The following KCNT2 variants were observed in gnomAD, a reference collection of about 807,000 sequenced individuals.
KCNT2 encodes potassium sodium-activated channel subfamily T member 2, also known as potassium channel subfamily T member 2.
A neutral mutation model predicts 153.8 loss-of-function variants in KCNT2; 67 were observed. That is an observed-to-expected ratio of 0.44 (90% CI 0.36 to 0.53). KCNT2 has a LOEUF of 0.53. KCNT2 is among the 20% of genes least tolerant of loss of function. The pLI, the probability that KCNT2 is intolerant of heterozygous loss-of-function variation, is 0.00. For synonymous variants in KCNT2, 500 were observed against 458.8 expected (o/e 1.09, Z -1.15); for missense variants, 975 against 1,354.8 (o/e 0.72, Z 4.40).
At chr1:196,476,436 A>G (rs970617352) in intron 5 of KCNT2, among the ~76,000 whole-genome samples, 1 of 152,094 alleles carries the variant, frequency 6.6e-6, no homozygotes, top group Non-Finnish European at 1.5e-5. Context: ...CAATCAGGAC[A>G]TATTTATAGT....
intron 8 of KCNT2, among the ~76,000 whole-genome samples, chr1:196,437,231 T>G (rs1674779989): frequency 8.6e-6 from 1 of 116,166 alleles, no homozygotes; most frequent in South Asian, 2.8e-4. Context: ...TAAGAAAGCT[T>G]ATATATATAT....
intron 5 of KCNT2, among the ~76,000 whole-genome samples, chr1:196,475,827 A>G (rs1401073112): frequency 6.6e-6 from 1 of 152,148 alleles, no homozygotes; most frequent in Non-Finnish European, 1.5e-5. Flanking sequence ...TTCTACTGTC[A>G]CATAACTCCT....
intron 12 of KCNT2, among the ~76,000 whole-genome samples, chr1:196,415,880 T>G (rs2148498206): frequency 6.6e-6 from 1 of 152,006 alleles, no homozygotes; most frequent in South Asian, 2.1e-4. Flanking sequence ...CCCTGCTAGG[T>G]TTTTAAGAAT....
chr1:196,522,993 T>C (rs1056876997), intron 1 of KCNT2, among the ~76,000 whole-genome samples: 2 of 152,232 alleles, frequency 1.3e-5, no homozygotes, highest in Non-Finnish European at 2.9e-5. Context: ...TCCCCTTCCA[T>C]GCTGTGAAAG....
rs541590400 is a variant in KCNT2, at chr1:196,566,617, T to C, written c.95+41598A>G. On this transcript the variant is annotated intron_variant, in intron 1 of 27. Transcript: ENST00000294725. ...AGAGAATGGACAAAAAGGAAAATTT[T>C]ATGAAAACTAAATGGAAGTTTACCC... is the stretch of plus-strand genomic sequence containing the variant. 4.2e-4 allele frequency among the ~76,000 whole-genome samples: 64 copies of C among 152,218 alleles called. 1 individual carries two copies. The South Asian group carries it at 8.7e-3, about 21-fold the overall frequency.
intron 23 of KCNT2, 73 bp downstream of exon 23, chr1:196,285,584 G>A (rs1186309034): frequency 1.1e-6 from 1 of 881,050 alleles, no homozygotes; most frequent in Non-Finnish European, 1.8e-6. Context: ...AACACTAGAT[G>A]TATTATTCAT....
intron 1 of KCNT2, among the ~76,000 whole-genome samples, chr1:196,505,746 C>A (rs952100141): frequency 6.6e-6 from 1 of 151,798 alleles, no homozygotes; most frequent in African/African-American, 2.4e-5. Context: ...TCTTTGTATC[C>A]TCTTTTATTT....
intron 13 of KCNT2, among the ~76,000 whole-genome samples, chr1:196,380,656 T>C (rs1317289988): frequency 2.0e-5 from 3 of 152,202 alleles, no homozygotes; most frequent in Non-Finnish European, 4.4e-5. Flanking sequence ...GATTTTAAAA[T>C]CTAAATGTTA....
At chr1:196,589,105 T>G (rs1334076122) in intron 1 of KCNT2, among the ~76,000 whole-genome samples, 2 of 151,996 alleles carry the variant, frequency 1.3e-5, no homozygotes, top group Non-Finnish European at 2.9e-5. Flanking sequence ...AATCTTGTTT[T>G]GGAATCTACT....
intron 1 of KCNT2, among the ~76,000 whole-genome samples, chr1:196,570,027 C>G (rs983363833): frequency 7.1e-6 from 1 of 141,486 alleles, no homozygotes; most frequent in African/African-American, 2.9e-5. Context: ...AAGTTCTAAC[C>G]AACAAAAAGC....
chr1:196,531,694 A>T (rs1031064353), intron 1 of KCNT2, among the ~76,000 whole-genome samples: 4 of 152,084 alleles, frequency 2.6e-5, no homozygotes, highest in Non-Finnish European at 5.9e-5. Flanking sequence ...AGAAATGTAG[A>T]TTTGTGATAA....
At position 196,429,625 on chromosome 1, in the gene KCNT2, A is replaced by G. The variant is rs1224352199; in HGVS notation, c.771T>C (p.Leu257=). ...CAACACAAATCATAGCAACTACAAA[A>G]AGCTTGGAGGACCATGTTTCAGGAG... ...DVTPETWSSK[L]FVVAMICVAL... The change falls in exon 9 of 28, where the codon CTT becomes CTC. Residue 257 remains leucine (L), a synonymous_variant. Coordinates refer to ENST00000294725, the MANE Select transcript of KCNT2 (RefSeq NM_198503.5). The G allele has an allele frequency of 6.2e-7, 1 of 1,612,866 alleles. No individual in the cohort carries two copies. The highest frequency in any genetic ancestry group is 8.5e-7 in the Non-Finnish European group (1 of 1,179,396).
chr1:196,529,417 A>G (rs1346213941), intron 1 of KCNT2, among the ~76,000 whole-genome samples: 3 of 152,108 alleles, frequency 2.0e-5, no homozygotes, highest in African/African-American at 7.2e-5. Context: ...TCAGATATTG[A>G]CGGTTGAAGT....
intron 21 of KCNT2, among the ~76,000 whole-genome samples, chr1:196,308,782 C>A (rs1322197187): frequency 1.3e-5 from 2 of 151,870 alleles, no homozygotes; most frequent in Non-Finnish European, 2.9e-5. Flanking sequence ...GGAAGATAGA[C>A]CAGTGTAAGG....
chr1:196,518,661 A>G (rs1003726237), intron 1 of KCNT2, among the ~76,000 whole-genome samples: 1 of 152,160 alleles, frequency 6.6e-6, no homozygotes, highest in African/African-American at 2.4e-5. Context: ...TAAACTAACA[A>G]ACAACAAAAA....
At chr1:196,516,977 C>A (rs930017425) in intron 1 of KCNT2, among the ~76,000 whole-genome samples, 1 of 152,182 alleles carries the variant, frequency 6.6e-6, no homozygotes, top group Non-Finnish European at 1.5e-5. Flanking sequence ...GAGTCTCCAA[C>A]CACCCCCCAG....
intron 8 of KCNT2, among the ~76,000 whole-genome samples, chr1:196,463,278 G>A (rs904710177): frequency 1.3e-5 from 2 of 151,672 alleles, no homozygotes; most frequent in East Asian, 1.9e-4. Flanking sequence ...ATATAACATT[G>A]TTTATATGTT....
intron 20 of KCNT2, among the ~76,000 whole-genome samples, chr1:196,317,642 G>A (rs1177120220): frequency 6.6e-6 from 1 of 151,580 alleles, no homozygotes; most frequent in Non-Finnish European, 1.5e-5. Context: ...TAGGGCAGTC[G>A]AGGATAAGAG....
intron 25 of KCNT2, among the ~76,000 whole-genome samples, chr1:196,264,658 G>A (rs1246543530): frequency 6.6e-6 from 1 of 151,090 alleles, no homozygotes; most frequent in Non-Finnish European, 1.5e-5. Flanking sequence ...TTTAAGACAG[G>A]GTCTTGCTCT....
Sources: allele counts gnomAD v4.1 joint callset (sites outside exome capture counted in the v4.1 genomes callset), GRCh38; gene constraint gnomAD v4.1.1; transcripts MANE v1.5; gene names NCBI Gene and HGNC (gene_info 2026-07-23, HGNC 2026-07-21).